The following PCDHGA12 variants were observed in gnomAD, a reference collection of about 807,000 sequenced individuals.
PCDHGA12 encodes the protein protocadherin gamma subfamily A, 12, also known as protocadherin gamma-A12.
Under a neutral mutation model 61.1 loss-of-function variants are expected in PCDHGA12, and 43 were observed. The observed-to-expected ratio is 0.70, with a 90% CI of 0.55 to 0.91. The LOEUF is 0.91. Ranked by LOEUF, PCDHGA12 falls within the 40% of genes least tolerant of loss-of-function variation. The probability of loss-of-function intolerance (pLI) is 0.00; values close to 1 mark genes in which losing one functional copy is unlikely to be tolerated. For missense variants in PCDHGA12, 1,236 were observed against 1,227.7 expected, an observed-to-expected ratio of 1.01 and a Z score of -0.10; for synonymous variants, 520 against 542.9, an observed-to-expected ratio of 0.96 and a Z score of 0.59.
intron 1 of PCDHGA12, among the ~76,000 whole-genome samples, chr5:141,482,530 C>CAAAAAAAAAA (rs3074545): frequency 1.2e-3 from 90 of 76,428 alleles, no homozygotes; most frequent in African/African-American, 1.7e-3. Context: ...GACAGACATG[C>CAAAAAAAAAA]AAAAAAAAAA....
intron 3 of PCDHGA12, among the ~76,000 whole-genome samples, chr5:141,509,004 G>A (rs2099873761): frequency 6.6e-6 from 1 of 152,072 alleles, no homozygotes; most frequent in South Asian, 2.1e-4. Context: ...AGGAGAGGAG[G>A]AAGTGGGCAG....
At chr5:141,488,872 T>C (rs773185475) in intron 1 of PCDHGA12, among the ~76,000 whole-genome samples, 4 of 151,794 alleles carry the variant, frequency 2.6e-5, no homozygotes, top group Non-Finnish European at 5.9e-5. Flanking sequence ...AGTGGGGAGG[T>C]AGGAAGCTTC....
chr5:141,461,228 A>C (rs1472527415), intron 1 of PCDHGA12, among the ~76,000 whole-genome samples: 1 of 151,976 alleles, frequency 6.6e-6, no homozygotes, highest in Non-Finnish European at 1.5e-5. Flanking sequence ...TTTTCCATAG[A>C]GGTTGTACTA....
At chr5:141,504,340 G>C (rs1240423982) in intron 2 of PCDHGA12, among the ~76,000 whole-genome samples, 1 of 152,062 alleles carries the variant, frequency 6.6e-6, no homozygotes, top group Non-Finnish European at 1.5e-5. Flanking sequence ...CAAGTGCTAG[G>C]CTTTGTGCTA....
intron 2 of PCDHGA12, among the ~76,000 whole-genome samples, chr5:141,503,909 C>T (rs904260329): frequency 1.3e-5 from 2 of 152,156 alleles, no homozygotes; most frequent in Admixed American, 1.3e-4. Flanking sequence ...ACACACACAA[C>T]GCAACACACA....
chr5:141,438,392 A>C (rs2097958012), intron 1 of PCDHGA12, among the ~76,000 whole-genome samples: 1 of 151,714 alleles, frequency 6.6e-6, no homozygotes, highest in African/African-American at 2.4e-5. Context: ...TTAGTTCATC[A>C]TTAACTCTCT....
At chr5:141,450,836 T>A (rs991599340) in intron 1 of PCDHGA12, among the ~76,000 whole-genome samples, 2 of 149,760 alleles carry the variant, frequency 1.3e-5, no homozygotes, top group African/African-American at 4.9e-5. Flanking sequence ...ATTATTTTTT[T>A]TTTTTTGAGA....
chr5:141,488,540 A>C (rs901890616), intron 1 of PCDHGA12, among the ~76,000 whole-genome samples: 6 of 152,146 alleles, frequency 3.9e-5, no homozygotes, highest in Admixed American at 2.0e-4. Context: ...GCTAAGTCCC[A>C]TGTCAGCTGA....
At position 141,512,161 on chromosome 5, in the gene PCDHGA12, G is replaced by A. The variant is rs1176664723; in HGVS notation, c.*988G>A. On this transcript the variant is annotated 3_prime_UTR_variant, in exon 4 of 4. Transcript: ENST00000252085. ...AGCCAGCTTTGGGCTGAGCTAACAGGACCAATGGATTAAACTGGCATTTCA... is the reference window on the plus strand; with the variant it reads ...AGCCAGCTTTGGGCTGAGCTAACAGAACCAATGGATTAAACTGGCATTTCA... The A allele has an allele frequency of 6.5e-6, 1 of 152,704 alleles. No homozygotes were observed. Among genetic ancestry groups the A allele is most frequent in the African/African-American group, 2.4e-5 (1 of 41,440 alleles). 9.5% of individuals were successfully genotyped at this position (152,704 alleles called of 1,614,324 possible). A position where few individuals can be genotyped will look rare whatever the true frequency, so the allele number is the denominator to read the frequency against.
chr5:141,485,095 TC>T lies in PCDHGA12; in HGVS notation c.2425-9710del, dbSNP rs1040164730. ...GCGCGGGGAAAGGGAGATAGGTGTCTCCAGCTGCTGTGGCTGTTTGGGGCGG... is the reference window on the plus strand; with the variant it reads ...GCGCGGGGAAAGGGAGATAGGTGTCTCAGCTGCTGTGGCTGTTTGGGGCGG... On this transcript the variant is annotated intron_variant, in intron 1 of 3. Coordinates refer to ENST00000252085, the MANE Select transcript of PCDHGA12 (RefSeq NM_003735.3). This position sits in a 1 kb window ranked among gnomAD's most constrained non-coding sequence, Gnocchi z 5.7. 6.8e-5 allele frequency: 76 copies of T among 1,115,798 alleles called. No homozygotes were observed. Among genetic ancestry groups the T allele is most frequent in the South Asian group, 4.6e-4 (33 of 71,042 alleles). The allele number at this position is 1,115,798 out of a possible 1,614,324, so 69.1% of individuals were successfully genotyped here. A position where few individuals can be genotyped will look rare whatever the true frequency, so the allele number is the denominator to read the frequency against.
At chr5:141,437,445 T>C (rs187869679) in intron 1 of PCDHGA12, among the ~76,000 whole-genome samples, 1 of 152,348 alleles carries the variant, frequency 6.6e-6, no homozygotes, top group East Asian at 1.9e-4. Flanking sequence ...CATAGGAATG[T>C]TGAGGAGACT....
In PCDHGA12 at chr5:141,490,113, C is replaced by G. The variant is rs2099696295; in HGVS notation, c.2425-4694C>G. Reference sequence around the variant, plus strand: ...ACCACACATCTGAGGCAGTGCGGAACCTCTTTGGCCTAGACCCTAGCAGTG... The same window carrying G: ...ACCACACATCTGAGGCAGTGCGGAAGCTCTTTGGCCTAGACCCTAGCAGTG... On this transcript the variant is annotated intron_variant, in intron 1 of 3. Transcript: ENST00000252085. This position sits in a 1 kb window ranked among gnomAD's most constrained non-coding sequence, Gnocchi z 5.4. 1 of 1,614,258 alleles carries G rather than the reference C, an allele frequency of 6.2e-7. No individual in the cohort carries two copies.
At chr5:141,434,785 T>A (rs7727021) in intron 1 of PCDHGA12, among the ~76,000 whole-genome samples, 45,585 of 150,884 alleles carry the variant, frequency 0.3, 8,100 homozygotes, top group African/African-American at 0.51. Context: ...AAAAAAAAAA[T>A]TTTTTTTTCT....
intron 1 of PCDHGA12, among the ~76,000 whole-genome samples, chr5:141,448,871 G>A (rs1326162054): frequency 6.6e-6 from 1 of 152,148 alleles, no homozygotes; most frequent in Non-Finnish European, 1.5e-5. Flanking sequence ...CGTGAACCTG[G>A]GAGGCGGAGC....
rs61612330 is a variant in PCDHGA12, at chr5:141,454,796, A to ATTTTTTTTTTTT, written c.2424+21631_2424+21642dup. Among the ~76,000 whole-genome samples, 573 of 77,460 alleles carry ATTTTTTTTTTTT rather than the reference A, an allele frequency of 7.4e-3. 68 individuals carry two copies. Among genetic ancestry groups the ATTTTTTTTTTTT allele is most frequent in the Non-Finnish European group, 9.0e-3 (384 of 42,814 alleles). The allele number at this position is 77,460 out of a possible 152,430, so 50.8% of individuals were successfully genotyped here. A position where few individuals can be genotyped will look rare whatever the true frequency, so the allele number is the denominator to read the frequency against. On this transcript the variant is annotated intron_variant, in intron 1 of 3. Coordinates refer to ENST00000252085, the MANE Select transcript of PCDHGA12 (RefSeq NM_003735.3). ...AAGGAAATAATCCTCCATGGTTCTA[A>ATTTTTTTTTTTT]TTTTTTTTTTTTTTTTTTTTTTTTT...
In PCDHGA12 at chr5:141,511,086, G is replaced by A. The variant is rs2099883600; in HGVS notation, c.2712G>A (p.Leu904=). The A allele has an allele frequency of 1.2e-6, 2 of 1,614,062 alleles. No individual in the cohort carries two copies. The highest frequency in any genetic ancestry group is 2.2e-5 in the East Asian group (1 of 44,886). The change falls in exon 4 of 4, where the codon CTG becomes CTA. Residue 904 remains leucine (L), a synonymous_variant. Transcript: ENST00000252085. ...ACATCCCAGGCAGCAATGCCACACT[G>A]ACCAACGCAGCTGGCAAGCGGGATG... is the stretch of plus-strand genomic sequence containing the variant. The part of the protein sequence containing the change: ...NVYIPGSNAT[L]TNAAGKRDGK...
chr5:141,460,912 G>GTGTA (rs145509489), intron 1 of PCDHGA12, among the ~76,000 whole-genome samples: 34,285 of 149,232 alleles, frequency 0.23, 4,672 homozygotes, highest in African/African-American at 0.39. Flanking sequence ...ATTCCATGGT[G>GTGTA]TATATATATA....
rs1387036035 is a variant in PCDHGA12, at chr5:141,432,158, A to G, written c.1399A>G (p.Arg467Gly). ...YSAYIPENNP[R>G]GVSLVSVTAH... ...CGCTTATATCCCAGAGAACAATCCC[A>G]GAGGAGTTTCCCTCGTCTCTGTGAC... is the stretch of plus-strand genomic sequence containing the variant. Residue 467 changes from arginine (R) to glycine (G), a missense_variant, in exon 1 of 4, where the codon AGA becomes GGA. Coordinates refer to ENST00000252085, the MANE Select transcript of PCDHGA12 (RefSeq NM_003735.3). The surrounding 1 kb of genome is among the most constrained non-coding windows in gnomAD (Gnocchi z 6.0). The G allele has an allele frequency of 6.2e-7, 1 of 1,613,932 alleles. No individual in the cohort carries two copies. Among genetic ancestry groups the G allele is most frequent in the Non-Finnish European group, 8.5e-7 (1 of 1,180,002 alleles).
intron 1 of PCDHGA12, chr5:141,440,987 A>C (rs2098217413): frequency 6.6e-6 from 1 of 152,278 alleles, no homozygotes; most frequent in African/African-American, 2.4e-5. Flanking sequence ...AACCCAGAGT[A>C]CCCATATCTA....
Sources: gnomAD v4.1 joint callset for allele counts (sites outside exome capture counted in the v4.1 genomes callset) on GRCh38, gnomAD v4.1.1 for gene constraint, Gnocchi (gnomAD v3.1) non-coding constraint, MANE v1.5 for transcripts, NCBI Gene and HGNC (gene_info 2026-07-23, HGNC 2026-07-21) for gene names.